PACRG: variants seen among roughly 807,000 people sequenced by gnomAD.
PACRG encodes the protein parkin coregulated gene protein.
Under a neutral mutation model 29.7 loss-of-function variants are expected in PACRG, and 29 were observed. The ratio of observed to expected loss-of-function variants is 0.98; its 90% CI spans 0.73 to 1.33. The LOEUF (loss-of-function observed/expected upper bound fraction) is 1.33. Ranked by LOEUF, PACRG falls within the 40% of genes most tolerant of loss-of-function variation. The pLI, the probability that PACRG is intolerant of heterozygous loss-of-function variation, is 0.00. For missense variants in PACRG, 279 were observed against 316.2 expected, an observed-to-expected ratio of 0.88 and a Z score of 0.89; for synonymous variants, 116 against 118.7, an observed-to-expected ratio of 0.98 and a Z score of 0.15.
chr6:163,257,544 C>T (rs534807050), intron 4 of PACRG, among the ~76,000 whole-genome samples: 5 of 152,272 alleles, frequency 3.3e-5, no homozygotes, highest in Admixed American at 6.5e-5. Context: ...TATCAAACTA[C>T]GTTCATTGCT....
At chr6:163,031,802 G>A (rs1807692244) in intron 2 of PACRG, among the ~76,000 whole-genome samples, 1 of 152,036 alleles carries the variant, frequency 6.6e-6, no homozygotes. Context: ...GATAACTTGG[G>A]GCTCCTGGAC....
At chr6:163,299,607 C>T (rs1342002544) in intron 4 of PACRG, among the ~76,000 whole-genome samples, 1 of 152,158 alleles carries the variant, frequency 6.6e-6, no homozygotes. Flanking sequence ...ATAGGCCGGG[C>T]ACGGTGCTCG....
intron 1 of PACRG, among the ~76,000 whole-genome samples, chr6:162,788,157 A>AT (rs112049954): frequency 0.051 from 7,759 of 151,962 alleles, 673 homozygotes; most frequent in African/African-American, 0.18. Flanking sequence ...TACTTCCGTG[A>AT]CCCCCTATTT....
intron 2 of PACRG, among the ~76,000 whole-genome samples, chr6:163,050,321 T>G (rs1336066667): frequency 4.6e-5 from 7 of 152,260 alleles, no homozygotes; most frequent in African/African-American, 1.7e-4. Flanking sequence ...ATCAATAACT[T>G]TATCCTCATC....
At chr6:162,929,272 G>A (rs1432350123) in intron 2 of PACRG, among the ~76,000 whole-genome samples, 1 of 151,740 alleles carries the variant, frequency 6.6e-6, no homozygotes, top group Non-Finnish European at 1.5e-5. Context: ...ATTCCCACCG[G>A]CATCCTTAAT....
chr6:162,981,305 A>ATATATATATATATATATTTTTTT (rs925663285), intron 2 of PACRG, among the ~76,000 whole-genome samples: 1 of 149,160 alleles, frequency 6.7e-6, no homozygotes, highest in African/African-American at 2.5e-5. Flanking sequence ...ATATATATAT[A>ATATATATATATATATATTTTTTT]TTTACAATGG....
chr6:163,047,703 TCCAGCTAG>T (rs1809541333), intron 2 of PACRG, among the ~76,000 whole-genome samples: 2 of 152,186 alleles, frequency 1.3e-5, no homozygotes, highest in African/African-American at 4.8e-5. Context: ...ATTAATATCT[TCCAGCTAG>T]ACAGAGCCAT....
intron 4 of PACRG, among the ~76,000 whole-genome samples, chr6:163,274,343 C>T (rs563482415): frequency 6.6e-6 from 1 of 152,240 alleles, no homozygotes; most frequent in Admixed American, 6.5e-5. Context: ...CATCCATGTC[C>T]CTACAAAGGA....
intron 4 of PACRG, chr6:163,095,482 G>A: frequency 2.1e-6 from 2 of 941,672 alleles, no homozygotes; most frequent in Non-Finnish European, 2.5e-6. Flanking sequence ...ACACAGAATG[G>A]CTTAAACAAC....
intron 2 of PACRG, among the ~76,000 whole-genome samples, chr6:163,026,066 A>G (rs1807101215): frequency 6.6e-6 from 1 of 152,254 alleles, no homozygotes. Flanking sequence ...AGTTGGGCAC[A>G]TCACATTGCC....
chr6:163,268,253 T>G (rs371801041), intron 4 of PACRG, among the ~76,000 whole-genome samples: 10 of 151,736 alleles, frequency 6.6e-5, no homozygotes, highest in Non-Finnish European at 1.5e-4. Flanking sequence ...ACAAAAAAAA[T>G]TAGCCGGGCG....
At chr6:163,162,161 C>CA (rs1336131214) in intron 4 of PACRG, among the ~76,000 whole-genome samples, 1 of 152,156 alleles carries the variant, frequency 6.6e-6, no homozygotes, top group Non-Finnish European at 1.5e-5. Flanking sequence ...TGCCAGGGCC[C>CA]ACTCCCAGCC....
chr6:163,104,959 AT>A (rs144396785), intron 4 of PACRG, among the ~76,000 whole-genome samples: 4,568 of 152,294 alleles, frequency 0.03, 102 homozygotes, highest in Non-Finnish European at 0.049. Context: ...CTCTTATACT[AT>A]TTATGAAGTA....
intron 4 of PACRG, among the ~76,000 whole-genome samples, chr6:163,287,636 A>ATAGTCTTTTAACACTTGGAATGGAAGCAT (rs1784446113): frequency 1.3e-5 from 2 of 152,242 alleles, no homozygotes; most frequent in Admixed American, 6.5e-5. Context: ...ATTTACACAG[A>ATAGTCTTTTAACACTTGGAATGGAAGCAT]TAGTCTTTTA....
chr6:162,766,737 C>A (rs1782822894), intron 1 of PACRG, among the ~76,000 whole-genome samples: 1 of 152,036 alleles, frequency 6.6e-6, no homozygotes, highest in African/African-American at 2.4e-5. Context: ...TCTGAATTTT[C>A]AAATTGGTTG....
chr6:162,786,337 T>C (rs1198052794), intron 1 of PACRG, among the ~76,000 whole-genome samples: 1 of 152,172 alleles, frequency 6.6e-6, no homozygotes, highest in Non-Finnish European at 1.5e-5. Context: ...AGAGACTAAT[T>C]ACTCTTAACG....
chr6:162,883,200 T>C (rs550249504), intron 2 of PACRG, among the ~76,000 whole-genome samples: 1 of 152,128 alleles, frequency 6.6e-6, no homozygotes, highest in Non-Finnish European at 1.5e-5. Context: ...TTTTTAAAAA[T>C]GTGATTTCAC....
chr6:163,040,068 G>T (rs964878836), intron 2 of PACRG, among the ~76,000 whole-genome samples: 4 of 152,226 alleles, frequency 2.6e-5, no homozygotes, highest in Admixed American at 6.5e-5. Context: ...AGGGAAAATA[G>T]TTTCGTGGGC....
intron 4 of PACRG, among the ~76,000 whole-genome samples, chr6:163,249,131 G>A (rs1782807429): frequency 6.6e-6 from 1 of 151,396 alleles, no homozygotes; most frequent in Admixed American, 6.6e-5. Flanking sequence ...AGCCATAACA[G>A]AATGAGAAAC....
Sources: allele counts gnomAD v4.1 joint callset (sites outside exome capture counted in the v4.1 genomes callset), GRCh38; gene constraint gnomAD v4.1.1; transcripts MANE v1.5; gene names NCBI Gene and HGNC (gene_info 2026-07-23, HGNC 2026-07-21).